The following SLC12A7 variants were observed in gnomAD, a reference collection of about 807,000 sequenced individuals.
SLC12A7 encodes K-Cl cotransporter 4.
Under a neutral mutation model 120.6 loss-of-function variants are expected in SLC12A7, and 100 were observed. The ratio of observed to expected loss-of-function variants is 0.83; its 90% CI spans 0.71 to 0.98. The LOEUF (loss-of-function observed/expected upper bound fraction) is 0.98, where lower values mean the gene tolerates loss of function less well. Ranked by LOEUF, SLC12A7 falls within the 50% of genes least tolerant of loss-of-function variation. The pLI is 0.00. For synonymous variants in SLC12A7, 760 were observed against 678.0 expected, an observed-to-expected ratio of 1.12 and a Z score of -1.88; for missense variants, 1,373 against 1,548.1, an observed-to-expected ratio of 0.89 and a Z score of 1.90.
Position 1,057,569 on chromosome 5 carries a change from C to G in SLC12A7, c.2928G>C (p.Lys976Asn). 1.2e-6 allele frequency: 2 copies of G among 1,612,722 alleles called. No individual in the cohort carries two copies. The highest frequency in any genetic ancestry group is 1.7e-6 in the Non-Finnish European group (2 of 1,179,976). ...TCTCCCTGGTCCAGGTCATCTGCAC[C>G]TTGTCTGGCGTAGGCGGCGCTTGGG... is the stretch of plus-strand genomic sequence containing the variant. ...ARTQAPPTPDKVQMTWTREKL... is the reference protein window; with the variant it reads ...ARTQAPPTPDNVQMTWTREKL... The change falls in exon 22 of 24, where the codon AAG becomes AAC. Residue 976 changes from lysine (K) to asparagine (N), a missense_variant. By Grantham distance (94) the Lys-to-Asn change is moderately conservative (BLOSUM62 0). Transcript: ENST00000264930.
chr5:1,133,004 G>A, the SLC12A7 span, among the ~76,000 whole-genome samples: 4 of 152,172 alleles, frequency 2.6e-5, no homozygotes, highest in African/African-American at 9.7e-5. Context: ...TGCAACCTCT[G>A]CCTCCTGGGT....
At chr5:1,129,406 C>T in the SLC12A7 span, among the ~76,000 whole-genome samples, 21 of 152,278 alleles carry the variant, frequency 1.4e-4, no homozygotes, top group Middle Eastern at 3.4e-3. Context: ...CAGGAGTGTC[C>T]CGAGCATCCC....
chr5:1,115,915 A>G (rs1743303103), upstream of SLC12A7, among the ~76,000 whole-genome samples: 1 of 150,592 alleles, frequency 6.6e-6, no homozygotes, highest in South Asian at 2.1e-4. Flanking sequence ...CCAAGGCTAA[A>G]GTGATTTTTA....
Position 1,050,777 on chromosome 5 carries a change from G to A in SLC12A7, c.*1583C>T, listed in dbSNP as rs528006242. 2 of 398,392 alleles carry A rather than the reference G, an allele frequency of 5.0e-6. No homozygotes were observed. The highest frequency in any genetic ancestry group is 2.6e-4 in the South Asian group (2 of 7,714). 24.7% of individuals were successfully genotyped at this position (398,392 alleles called of 1,614,324 possible). ...TTAGCCAAGGCAGGCAGAGGCTGTG[G>A]GAACTGCTGAGCCCCGCTGTGATGT... On this transcript the variant is annotated 3_prime_UTR_variant, in exon 24 of 24. Transcript: ENST00000264930.
chr5:1,141,130 T>C, the SLC12A7 span, among the ~76,000 whole-genome samples: 28 of 152,326 alleles, frequency 1.8e-4, no homozygotes, highest in African/African-American at 6.7e-4. Context: ...CCCTGAGCTG[T>C]AGGCGGGCAC....
chr5:1,068,818 G>T (rs567563173), intron 17 of SLC12A7, among the ~76,000 whole-genome samples: 3 of 152,272 alleles, frequency 2.0e-5, no homozygotes, highest in Non-Finnish European at 4.4e-5. Flanking sequence ...GTGGCAGAGC[G>T]TGGCAGGGGG....
the SLC12A7 span, among the ~76,000 whole-genome samples, chr5:1,118,229 G>T: frequency 2.0e-5 from 3 of 152,068 alleles, no homozygotes. Context: ...CCGGTCTCCT[G>T]CACAGCCAGC....
At chr5:1,085,068 T>A (rs10866480) in intron 7 of SLC12A7, among the ~76,000 whole-genome samples, 164 bp downstream of exon 7, 33 of 152,300 alleles carry the variant, frequency 2.2e-4, no homozygotes, top group African/African-American at 7.9e-4. Flanking sequence ...TTGGGTTTCC[T>A]GTAATCCCCA....
intron 9 of SLC12A7, among the ~76,000 whole-genome samples, 196 bp downstream of exon 9, chr5:1,081,381 G>T (rs1242778336): frequency 6.6e-6 from 1 of 152,080 alleles, no homozygotes; most frequent in Non-Finnish European, 1.5e-5. Flanking sequence ...ATATTAGCCG[G>T]GCGTGGTACT....
intron 1 of SLC12A7, among the ~76,000 whole-genome samples, chr5:1,109,993 G>A (rs998009737): frequency 4.6e-5 from 7 of 152,144 alleles, no homozygotes; most frequent in Admixed American, 1.3e-4. Flanking sequence ...CAGGACCCCC[G>A]CCCCCAACCA....
intron 6 of SLC12A7, 89 bp from the exon 7 acceptor site, chr5:1,085,562 G>T: frequency 1.4e-6 from 2 of 1,472,146 alleles, no homozygotes; most frequent in East Asian, 5.0e-5. Context: ...CCACACAGGG[G>T]CCTCCTCCCA....
At chr5:1,105,996 C>T (rs1324743090) in intron 1 of SLC12A7, among the ~76,000 whole-genome samples, 1 of 152,250 alleles carries the variant, frequency 6.6e-6, no homozygotes, top group Non-Finnish European at 1.5e-5. Context: ...CTGCCCCACC[C>T]ACCACACGGC....
the SLC12A7 span, among the ~76,000 whole-genome samples, chr5:1,141,480 C>A: frequency 3.9e-5 from 6 of 152,104 alleles, no homozygotes; most frequent in East Asian, 1.2e-3. Context: ...CCACGGGCAC[C>A]ACAGCTGTCC....
chr5:1,154,969 G>A, the SLC12A7 span, among the ~76,000 whole-genome samples: 3 of 152,238 alleles, frequency 2.0e-5, no homozygotes, highest in African/African-American at 7.2e-5. Flanking sequence ...CCAGGGTCCA[G>A]GCCTGGTGGC....
chr5:1,053,084 G>A (rs1735228802), intron 23 of SLC12A7, among the ~76,000 whole-genome samples: 1 of 152,208 alleles, frequency 6.6e-6, no homozygotes, highest in African/African-American at 2.4e-5. Context: ...CAGCCCCAGG[G>A]CAGCCCTGAG....
At chr5:1,095,073 C>CG (rs1353812222) in intron 1 of SLC12A7, among the ~76,000 whole-genome samples, 1 of 136,890 alleles carries the variant, frequency 7.3e-6, no homozygotes, top group Non-Finnish European at 1.6e-5. Flanking sequence ...AGGTGGGGCC[C>CG]GTAGGAGGTG....
intron 8 of SLC12A7, 85 bp downstream of exon 8, chr5:1,083,660 G>A: frequency 1.5e-6 from 2 of 1,375,834 alleles, no homozygotes; most frequent in Non-Finnish European, 2.0e-6. Context: ...CCCTGAGAGT[G>A]ACTCTAAGGC....
intron 21 of SLC12A7, among the ~76,000 whole-genome samples, chr5:1,060,074 C>T (rs1403936475): frequency 6.6e-6 from 1 of 152,242 alleles, no homozygotes; most frequent in Non-Finnish European, 1.5e-5. Flanking sequence ...TCCCTTCCTG[C>T]ACATGAGCAT....
intron 22 of SLC12A7, 147 bp from the exon 23 acceptor site, chr5:1,053,629 G>A (rs1461586197): frequency 7.1e-6 from 8 of 1,122,610 alleles, no homozygotes; most frequent in South Asian, 1.6e-5. Flanking sequence ...GACCCTGAAG[G>A]ATGCAGAAGT....
Sources: allele counts gnomAD v4.1 joint callset (sites outside exome capture counted in the v4.1 genomes callset), GRCh38; gene constraint gnomAD v4.1.1; transcripts MANE v1.5; gene names NCBI Gene and HGNC (gene_info 2026-07-23, HGNC 2026-07-21).